Variants in DPYD observed in about 807,000 individuals in gnomAD.
DPYD encodes the protein dihydropyrimidine dehydrogenase [NADP(+)].
DPYD carries 109 observed loss-of-function variants against 116.2 expected under a neutral mutation model. The ratio of observed to expected loss-of-function variants is 0.94; its 90% CI spans 0.80 to 1.10. DPYD has a LOEUF of 1.10. Among genes scored for constraint, DPYD ranks in the 50% least tolerant of loss-of-function variants. DPYD has a pLI of 0.00. For missense variants in DPYD, 1,302 were observed against 1,254.5 expected (o/e 1.04, Z -0.57); for synonymous variants, 440 against 432.0 (o/e 1.02, Z -0.23).
chr1:97,152,988 G>A (rs997451727), intron 20 of DPYD, among the ~76,000 whole-genome samples: 5 of 152,024 alleles, frequency 3.3e-5, no homozygotes, highest in Non-Finnish European at 7.4e-5. Flanking sequence ...AACACTAGAG[G>A]AGTTCATTTT....
At chr1:97,484,326 A>G (rs12731596) in intron 13 of DPYD, among the ~76,000 whole-genome samples, 1 of 152,140 alleles carries the variant, frequency 6.6e-6, no homozygotes, top group Admixed American at 6.5e-5. Flanking sequence ...AAAAACAAAA[A>G]CAAAAAAATT....
chr1:97,755,644 C>A (rs1010550354), intron 3 of DPYD, among the ~76,000 whole-genome samples: 1 of 152,246 alleles, frequency 6.6e-6, no homozygotes, highest in Non-Finnish European at 1.5e-5. Context: ...ACATTTGATA[C>A]CCACCACAAC....
At chr1:97,500,702 C>T (rs1051116584) in intron 13 of DPYD, among the ~76,000 whole-genome samples, 4 of 152,014 alleles carry the variant, frequency 2.6e-5, no homozygotes, top group South Asian at 4.1e-4. Flanking sequence ...CTTTTACTCA[C>T]GTAATTTAGG....
At chr1:97,814,176 A>G (rs1668468190) in intron 3 of DPYD, among the ~76,000 whole-genome samples, 1 of 152,166 alleles carries the variant, frequency 6.6e-6, no homozygotes, top group Admixed American at 6.6e-5. Context: ...TGTAAGAAGG[A>G]GCCCAGGTAA....
At chr1:97,128,197 T>C (rs1429565119) in intron 20 of DPYD, among the ~76,000 whole-genome samples, 1 of 152,200 alleles carries the variant, frequency 6.6e-6, no homozygotes, top group Non-Finnish European at 1.5e-5. Context: ...CAAGATGCAA[T>C]GCAATAAGTT....
At chr1:97,246,405 G>A (rs1168123007) in intron 18 of DPYD, among the ~76,000 whole-genome samples, 1 of 152,070 alleles carries the variant, frequency 6.6e-6, no homozygotes, top group Non-Finnish European at 1.5e-5. Flanking sequence ...AGAAGACAAG[G>A]AGAGCCAGGA....
At chr1:97,345,005 C>A (rs1669772416) in intron 16 of DPYD, among the ~76,000 whole-genome samples, 1 of 151,840 alleles carries the variant, frequency 6.6e-6, no homozygotes, top group Non-Finnish European at 1.5e-5. Flanking sequence ...TCACTCTTTG[C>A]CAAATTAGTT....
intron 18 of DPYD, among the ~76,000 whole-genome samples, chr1:97,254,241 T>C (rs1663296670): frequency 6.6e-6 from 1 of 152,180 alleles, no homozygotes; most frequent in Non-Finnish European, 1.5e-5. Flanking sequence ...TGTATGTACC[T>C]ATTGGCTCTA....
At chr1:97,595,850 TAA>T (rs1208550350) in intron 8 of DPYD, among the ~76,000 whole-genome samples, 2 of 151,926 alleles carry the variant, frequency 1.3e-5, no homozygotes, top group Non-Finnish European at 2.9e-5. Flanking sequence ...TTAACTCCAT[TAA>T]GTCATTAAAC....
At chr1:97,794,390 A>G (rs770508197) in intron 3 of DPYD, among the ~76,000 whole-genome samples, 1 of 152,214 alleles carries the variant, frequency 6.6e-6, no homozygotes, top group Non-Finnish European at 1.5e-5. Context: ...AAAATAAACA[A>G]ATGTCCTAAA....
chr1:97,122,917 T>C (rs1652559837), intron 20 of DPYD, among the ~76,000 whole-genome samples: 3 of 152,130 alleles, frequency 2.0e-5, no homozygotes, highest in Admixed American at 6.6e-5. Context: ...TTTTATGCAA[T>C]TGACTTTTTA....
At position 97,369,965 on chromosome 1, in the gene DPYD, C is replaced by T. The variant is rs145777503; in HGVS notation, c.2058+3596G>A. Among the ~76,000 whole-genome samples the T allele has an allele frequency of 5.4e-3, 821 of 152,172 alleles. 10 individuals are homozygous for T. Among genetic ancestry groups the T allele is most frequent in the African/African-American group, 0.019 (773 of 41,518 alleles). On this transcript the variant is annotated intron_variant, in intron 16 of 22. Transcript: ENST00000370192. ...AAGTAAAATACTGCCTTAATGCAGG[C>T]TAAAGAAATGTTAGTGTTTTTAAAA... is the stretch of plus-strand genomic sequence containing the variant.
chr1:97,878,800 T>C (rs1672042507), intron 2 of DPYD, among the ~76,000 whole-genome samples: 1 of 152,008 alleles, frequency 6.6e-6, no homozygotes, highest in South Asian at 2.1e-4. Context: ...AGAGTATTAT[T>C]ATTATTTATT....
intron 10 of DPYD, among the ~76,000 whole-genome samples, chr1:97,576,290 T>C (rs1570988300): frequency 6.6e-6 from 1 of 152,196 alleles, no homozygotes; most frequent in African/African-American, 2.4e-5. Context: ...CAAATGTTTA[T>C]GGTTTGAATA....
intron 13 of DPYD, among the ~76,000 whole-genome samples, chr1:97,481,398 A>G (rs908692345): frequency 6.6e-6 from 1 of 152,232 alleles, no homozygotes; most frequent in Non-Finnish European, 1.5e-5. Context: ...TTCAGTTTCT[A>G]TCAACATTGA....
At chr1:97,599,640 A>C (rs1031178701) in intron 8 of DPYD, among the ~76,000 whole-genome samples, 1 of 151,738 alleles carries the variant, frequency 6.6e-6, no homozygotes, top group Non-Finnish European at 1.5e-5. Context: ...ATCTTTGGAG[A>C]TAGACTCACA....
intron 16 of DPYD, among the ~76,000 whole-genome samples, chr1:97,347,529 C>A (rs1669919643): frequency 6.6e-6 from 1 of 151,940 alleles, no homozygotes; most frequent in African/African-American, 2.4e-5. Context: ...TTGCTGGATT[C>A]TGCATGTTAA....
intron 19 of DPYD, among the ~76,000 whole-genome samples, chr1:97,230,879 C>T (rs1661548559): frequency 6.6e-6 from 1 of 152,136 alleles, no homozygotes; most frequent in Non-Finnish European, 1.5e-5. Context: ...CAGGACTGTC[C>T]CACTGGTTCT....
At chr1:97,812,206 T>C (rs1467411929) in intron 3 of DPYD, among the ~76,000 whole-genome samples, 1 of 152,164 alleles carries the variant, frequency 6.6e-6, no homozygotes, top group African/African-American at 2.4e-5. Flanking sequence ...ACAGTAAATC[T>C]ACCCCTAGGC....
Sources: gnomAD v4.1 joint callset for allele counts (sites outside exome capture counted in the v4.1 genomes callset) on GRCh38, gnomAD v4.1.1 for gene constraint, MANE v1.5 for transcripts, NCBI Gene and HGNC (gene_info 2026-07-23, HGNC 2026-07-21) for gene names.